The following QTGAL variants were observed in gnomAD, a reference collection of about 807,000 sequenced individuals.
The protein encoded by QTGAL is queuosine-tRNA galactosyltransferase.
the QTGAL span, among the ~76,000 whole-genome samples, chr17:83,002,349 C>T: frequency 3.3e-5 from 5 of 152,160 alleles, no homozygotes; most frequent in African/African-American, 1.2e-4. Context: ...CAGTTCAGAA[C>T]CAGCTTGGCA....
At chr17:82,962,596 C>T in the QTGAL span, among the ~76,000 whole-genome samples, 10 of 123,570 alleles carry the variant, frequency 8.1e-5, no homozygotes, top group African/African-American at 1.2e-4. Context: ...CTGGTGGGCA[C>T]GGACCCTCAC....
At chr17:82,985,556 T>G in the QTGAL span, among the ~76,000 whole-genome samples, 5 of 152,254 alleles carry the variant, frequency 3.3e-5, no homozygotes, top group South Asian at 1.0e-3. Context: ...CTCCTCCACT[T>G]CAATTACATC....
the QTGAL span, among the ~76,000 whole-genome samples, chr17:82,977,500 C>A: frequency 8.1e-6 from 1 of 123,418 alleles, no homozygotes; most frequent in Non-Finnish European, 1.7e-5. Flanking sequence ...CAAAAAAAAA[C>A]TTTTCTTTGT....
chr17:82,992,241 C>T, the QTGAL span, among the ~76,000 whole-genome samples: 1 of 152,060 alleles, frequency 6.6e-6, no homozygotes, highest in African/African-American at 2.4e-5. Flanking sequence ...AGAAGACTAC[C>T]TCAAGGCATT....
chr17:82,991,918 C>T, the QTGAL span, among the ~76,000 whole-genome samples: 1 of 151,962 alleles, frequency 6.6e-6, no homozygotes, highest in African/African-American at 2.4e-5. Flanking sequence ...AGTTGACATA[C>T]TAAAGAATGA....
At chr17:82,992,910 G>A in the QTGAL span, among the ~76,000 whole-genome samples, 1 of 151,810 alleles carries the variant, frequency 6.6e-6, no homozygotes, top group African/African-American at 2.4e-5. Flanking sequence ...TAAAATAATG[G>A]GTAATAAGAT....
chr17:82,957,474 C>G, the QTGAL span: 2 of 1,607,032 alleles, frequency 1.2e-6, no homozygotes, highest in Middle Eastern at 1.7e-4. Context: ...GAAGCGGACG[C>G]GGTGGGTCCA....
At chr17:83,044,673 G>A in the QTGAL span, among the ~76,000 whole-genome samples, 1 of 152,248 alleles carries the variant, frequency 6.6e-6, no homozygotes, top group Non-Finnish European at 1.5e-5. Flanking sequence ...GCCAGGCGCG[G>A]CGGCTCACGC....
the QTGAL span, among the ~76,000 whole-genome samples, chr17:83,017,392 G>A: frequency 6.6e-6 from 1 of 152,174 alleles, no homozygotes; most frequent in Non-Finnish European, 1.5e-5. Context: ...GGAGGCCAAG[G>A]CAGGCGGATA....
chr17:82,984,048 G>A, the QTGAL span, among the ~76,000 whole-genome samples: 19,435 of 105,050 alleles, frequency 0.19, 12 homozygotes, highest in East Asian at 0.26. Flanking sequence ...GAGCACACAG[G>A]AGAGAGGCCA....
the QTGAL span, among the ~76,000 whole-genome samples, chr17:82,950,686 A>G: frequency 6.6e-6 from 1 of 152,206 alleles, no homozygotes; most frequent in African/African-American, 2.4e-5. Context: ...TGACTCCTGG[A>G]CCCACGGTCT....
chr17:82,968,078 C>T, the QTGAL span, among the ~76,000 whole-genome samples: 3 of 152,340 alleles, frequency 2.0e-5, no homozygotes. Flanking sequence ...CAGACTTCCA[C>T]GCAGCCAGCC....
the QTGAL span, chr17:82,961,357 T>G: frequency 4.1e-5 from 21 of 506,408 alleles, no homozygotes; most frequent in Admixed American, 1.6e-4. Context: ...ACAACAGACG[T>G]GAGCAACCGA....
the QTGAL span, among the ~76,000 whole-genome samples, chr17:83,021,081 T>A: frequency 6.6e-6 from 1 of 152,350 alleles, no homozygotes; most frequent in Non-Finnish European, 1.5e-5. Context: ...AATGATACTT[T>A]ATGGACATCT....
the QTGAL span, among the ~76,000 whole-genome samples, chr17:82,963,470 A>G: frequency 1.3e-5 from 2 of 152,182 alleles, no homozygotes; most frequent in East Asian, 3.9e-4. Flanking sequence ...AAAACTGGCA[A>G]CACTTCCATG....
At chr17:82,999,809 C>T in the QTGAL span, among the ~76,000 whole-genome samples, 1 of 152,112 alleles carries the variant, frequency 6.6e-6, no homozygotes, top group East Asian at 1.9e-4. Context: ...AATGTCATGA[C>T]TTTTCTCTGC....
the QTGAL span, among the ~76,000 whole-genome samples, chr17:83,042,562 A>G: frequency 6.6e-6 from 1 of 152,216 alleles, no homozygotes; most frequent in Non-Finnish European, 1.5e-5. Flanking sequence ...AGAAAAGGAA[A>G]CGAGAAGGGA....
chr17:82,958,570 C>T, the QTGAL span, among the ~76,000 whole-genome samples: 1 of 152,194 alleles, frequency 6.6e-6, no homozygotes, highest in Non-Finnish European at 1.5e-5. Context: ...TGTGGCACCC[C>T]CTGTTTGTAG....
At chr17:82,944,656 G>T in the QTGAL span, 1 of 152,224 alleles carries the variant, frequency 6.6e-6, no homozygotes, top group Non-Finnish European at 1.5e-5. Flanking sequence ...TTAGAGAGCA[G>T]CAAGAAGCCA....
Sources: gnomAD v4.1 joint callset for allele counts (sites outside exome capture counted in the v4.1 genomes callset) on GRCh38, gnomAD v4.1.1 for gene constraint, MANE v1.5 for transcripts, NCBI Gene and HGNC (gene_info 2026-07-23, HGNC 2026-07-21) for gene names.